The following PRORP variants were observed in gnomAD, a reference collection of about 807,000 sequenced individuals.
PRORP encodes the protein protein only RNase P catalytic subunit.
PRORP carries 51 observed loss-of-function variants against 59.4 expected under a neutral mutation model. The observed-to-expected ratio is 0.86, with a 90% confidence interval of 0.69 to 1.08. The LOEUF is 1.08. Ranked by LOEUF, PRORP falls within the 50% of genes least tolerant of loss-of-function variation. The pLI is 0.00. For synonymous variants in PRORP, 231 were observed against 245.6 expected (o/e 0.94, Z 0.55); for missense variants, 646 against 690.3 (o/e 0.94, Z 0.72).
intron 5 of PRORP, among the ~76,000 whole-genome samples, chr14:35,265,729 A>G (rs1448334956): frequency 6.6e-6 from 1 of 152,260 alleles, no homozygotes; most frequent in East Asian, 1.9e-4. Context: ...CTTTTATTCA[A>G]ATCAAAACTT....
chr14:35,188,303 G>A (rs1003590570), intron 5 of PRORP, among the ~76,000 whole-genome samples: 6 of 149,184 alleles, frequency 4.0e-5, no homozygotes, highest in Non-Finnish European at 8.9e-5. Flanking sequence ...CGATTCTCCT[G>A]CCTTAGCCTC....
chr14:35,262,959 A>T, intron 5 of PRORP: 1 of 1,598,760 alleles, frequency 6.3e-7, no homozygotes, highest in Non-Finnish European at 8.5e-7. Flanking sequence ...CACGACAGTT[A>T]AAAACAAGGA....
chr14:35,217,996 T>C (rs945260700), intron 5 of PRORP, among the ~76,000 whole-genome samples: 12 of 152,346 alleles, frequency 7.9e-5, no homozygotes, highest in African/African-American at 2.6e-4. Context: ...GAGATTTTGA[T>C]AGAAGTTACA....
intron 2 of PRORP, among the ~76,000 whole-genome samples, chr14:35,126,335 C>T (rs757810046): frequency 6.6e-6 from 1 of 152,116 alleles, no homozygotes; most frequent in Non-Finnish European, 1.5e-5. Flanking sequence ...ATGACATTCT[C>T]AATTTAATTG....
In PRORP at chr14:35,165,432, A is replaced by G. The variant is rs570576794; in HGVS notation, c.1168-15238A>G. ...AATCTGTTAAGTGGGAAAAATGATA[A>G]TATCTACCTCATACCATTGTTACAG... On this transcript the variant is annotated intron_variant, in intron 4 of 7. Transcript: ENST00000534898. Among the ~76,000 whole-genome samples, 799 of 152,336 alleles carry G rather than the reference A, an allele frequency of 5.2e-3. 6 individuals are homozygous for G. Among genetic ancestry groups the G allele is most frequent in the African/African-American group, 0.018 (768 of 41,576 alleles).
chr14:35,182,312 A>G (rs1003773486), intron 5 of PRORP, among the ~76,000 whole-genome samples: 2 of 152,064 alleles, frequency 1.3e-5, no homozygotes. Flanking sequence ...GACAAAGAGC[A>G]AATTTCCTCA....
chr14:35,217,550 A>G (rs1036328769), intron 5 of PRORP, among the ~76,000 whole-genome samples: 82 of 151,894 alleles, frequency 5.4e-4, no homozygotes, highest in African/African-American at 1.6e-3. Context: ...CAAAGTAACA[A>G]TGATTTACAT....
chr14:35,133,903 C>A (rs983048640), intron 4 of PRORP, among the ~76,000 whole-genome samples: 1 of 152,232 alleles, frequency 6.6e-6, no homozygotes, highest in African/African-American at 2.4e-5. Flanking sequence ...GTGGCCACCA[C>A]CACTAGAACT....
intron 4 of PRORP, among the ~76,000 whole-genome samples, chr14:35,147,480 C>G (rs971508417): frequency 1.3e-5 from 2 of 152,098 alleles, no homozygotes; most frequent in Non-Finnish European, 2.9e-5. Context: ...GTAGCTACAA[C>G]TACAAGCTCA....
intron 5 of PRORP, among the ~76,000 whole-genome samples, chr14:35,221,765 T>C (rs1039856095): frequency 2.0e-5 from 3 of 152,230 alleles, no homozygotes; most frequent in Non-Finnish European, 4.4e-5. Flanking sequence ...GTTCTGGTAT[T>C]CAAGAACCAT....
intron 5 of PRORP, among the ~76,000 whole-genome samples, chr14:35,190,064 C>T (rs996613230): frequency 2.1e-5 from 3 of 143,720 alleles, no homozygotes; most frequent in Non-Finnish European, 3.0e-5. Context: ...GCTGAGATTG[C>T]GCCACTGCAC....
At chr14:35,129,574 A>G (rs796695002) in intron 4 of PRORP, among the ~76,000 whole-genome samples, 3 of 150,970 alleles carry the variant, frequency 2.0e-5, no homozygotes, top group African/African-American at 7.3e-5. Flanking sequence ...TCCTGGGTTC[A>G]GGAGATTCTC....
intron 7 of PRORP, among the ~76,000 whole-genome samples, chr14:35,271,385 C>T (rs2051185662): frequency 6.6e-6 from 1 of 151,842 alleles, no homozygotes; most frequent in South Asian, 2.1e-4. Flanking sequence ...TCTTGAACTC[C>T]TGAGCTCATA....
At chr14:35,215,107 G>A (rs1048463980) in intron 5 of PRORP, among the ~76,000 whole-genome samples, 3 of 151,826 alleles carry the variant, frequency 2.0e-5, no homozygotes, top group Non-Finnish European at 2.9e-5. Flanking sequence ...ATGATCTTCG[G>A]TGGTCTCTTT....
intron 5 of PRORP, among the ~76,000 whole-genome samples, chr14:35,199,037 G>T (rs1396430134): frequency 6.6e-6 from 1 of 152,076 alleles, no homozygotes; most frequent in Non-Finnish European, 1.5e-5. Flanking sequence ...GCCTGGTGGC[G>T]GGCACCTGTA....
At chr14:35,250,721 A>T (rs2050592926) in intron 5 of PRORP, among the ~76,000 whole-genome samples, 1 of 152,190 alleles carries the variant, frequency 6.6e-6, no homozygotes, top group Admixed American at 6.5e-5. Context: ...CACCTTATCA[A>T]ATAGGCCCCT....
In PRORP at chr14:35,126,773, T is replaced by G. The variant is rs772329002; in HGVS notation, c.1025T>G (p.Val342Gly). 7.5e-6 allele frequency: 12 copies of G among 1,609,004 alleles called. No individual in the cohort carries two copies. Among genetic ancestry groups the G allele is most frequent in the Non-Finnish European group, 1.0e-5 (12 of 1,177,418 alleles). The change falls in exon 3 of 8, where the codon GTC becomes GGC. Residue 342 changes from valine to glycine, a missense_variant. Physicochemically the swap from Val to Gly is moderately radical, Grantham distance 109. Coordinates refer to ENST00000534898, the MANE Select transcript of PRORP (RefSeq NM_014672.4). ...CAATGGAAAGGACAATTCACCACAG[T>G]CCGAAAAAGGTGAAGACCAATGTTT... ...GKQWKGQFTT[V>G]RKSGQCSGCG...
chr14:35,161,024 A>G (rs1470187382), intron 4 of PRORP, among the ~76,000 whole-genome samples: 3 of 152,186 alleles, frequency 2.0e-5, no homozygotes, highest in South Asian at 4.1e-4. Flanking sequence ...ATGTGGAAGC[A>G]GTTAGGTTAT....
intron 5 of PRORP, among the ~76,000 whole-genome samples, 191 bp downstream of exon 5, chr14:35,180,968 G>A (rs867630661): frequency 6.6e-6 from 1 of 152,042 alleles, no homozygotes; most frequent in African/African-American, 2.4e-5. Flanking sequence ...GCTCTTCAAG[G>A]CTGGGAGAAA....
Sources: allele counts gnomAD v4.1 joint callset (sites outside exome capture counted in the v4.1 genomes callset), GRCh38; gene constraint gnomAD v4.1.1; transcripts MANE v1.5; gene names NCBI Gene and HGNC (gene_info 2026-07-23, HGNC 2026-07-21).